ZFP14: variants seen among roughly 807,000 people sequenced by gnomAD.
ZFP14 encodes zinc finger protein 14 homolog.
A neutral mutation model predicts 54.5 loss-of-function variants in ZFP14; 22 were observed. The ratio of observed to expected loss-of-function variants is 0.40; its 90% CI spans 0.29 to 0.58. ZFP14 has a LOEUF of 0.58. Ranked by LOEUF, ZFP14 falls within the 20% of genes least tolerant of loss-of-function variation. The probability of loss-of-function intolerance (pLI) is 0.39; values close to 1 mark genes in which losing one functional copy is unlikely to be tolerated. For synonymous variants in ZFP14, 159 were observed against 204.0 expected, an observed-to-expected ratio of 0.78 and a Z score of 1.88; for missense variants, 470 against 637.8, an observed-to-expected ratio of 0.74 and a Z score of 2.83.
intron 4 of ZFP14, among the ~76,000 whole-genome samples, chr19:36,347,900 A>C (rs2031448040): frequency 6.6e-6 from 1 of 151,964 alleles, no homozygotes; most frequent in Non-Finnish European, 1.5e-5. Context: ...CATACTAAAA[A>C]CACAAAAATT....
rs753850041 is a variant in ZFP14 at position 36,353,488 on chromosome 19, C to G, written c.235+6947G>C. Among the ~76,000 whole-genome samples the G allele has an allele frequency of 3.9e-4, 55 of 141,114 alleles. 7 individuals carry two copies. Among genetic ancestry groups the G allele is most frequent in the Non-Finnish European group, 7.7e-4 (49 of 63,802 alleles). 92.6% of individuals were successfully genotyped at this position (141,114 alleles called of 152,430 possible). A position where few individuals can be genotyped will look rare whatever the true frequency, so the allele number is the denominator to read the frequency against. ...GGCCGAGGCAGGCAGATCACAAGGT[C>G]AGGCGTTCGAGACCAGCCTGACCAA... On this transcript the variant is annotated intron_variant, in intron 4 of 4. Transcript: ENST00000270001.
chr19:36,341,532 T>C lies in ZFP14; in HGVS notation c.294A>G (p.Ile98Met), dbSNP rs2031315593. The change falls in exon 5 of 5, where the codon ATA (isoleucine) becomes ATG (methionine). Residue 98 changes from isoleucine to methionine, a missense_variant. Coordinates refer to ENST00000270001, the MANE Select transcript of ZFP14 (RefSeq NM_020917.3). The surrounding 1 kb of genome is among the most constrained non-coding windows in gnomAD (Gnocchi z 4.2). The part of the protein sequence containing the change: ...TLSPEKDIYE[I>M]YSFQWDIMER... ...CCATTATATCCCACTGAAATGAATA[T>C]ATTTCATAAATGTCCTTTTCTGGAG... is the stretch of plus-strand genomic sequence containing the variant. The C allele has an allele frequency of 1.9e-6, 3 of 1,604,348 alleles. No homozygotes were observed. The highest frequency in any genetic ancestry group is 2.5e-6 in the Non-Finnish European group (3 of 1,177,334).
chr19:36,364,849 G>C (rs2031766502), intron 2 of ZFP14, among the ~76,000 whole-genome samples: 1 of 151,838 alleles, frequency 6.6e-6, no homozygotes, highest in Admixed American at 6.6e-5. Flanking sequence ...TCAAAATAGG[G>C]ACCTCCCACT....
At chr19:36,373,531 G>T (rs923005733) in intron 1 of ZFP14, among the ~76,000 whole-genome samples, 1 of 152,022 alleles carries the variant, frequency 6.6e-6, no homozygotes, top group African/African-American at 2.4e-5. Context: ...GCTAAGACCT[G>T]TAAAGTGTTC....
At position 36,360,448 on chromosome 19, in the gene ZFP14, T is replaced by C. The variant is rs142592865; in HGVS notation, c.222A>G (p.Arg74=). 1.2e-6 allele frequency: 2 copies of C among 1,613,594 alleles called. No homozygotes were observed. The highest frequency in any genetic ancestry group is 1.7e-6 in the Non-Finnish European group (2 of 1,179,704). The change falls in exon 4 of 5, where the codon AGA becomes AGG. Residue 74 remains arginine, a synonymous_variant. Coordinates refer to ENST00000270001, the MANE Select transcript of ZFP14 (RefSeq NM_020917.3). The part of the protein sequence containing the change: ...EPGMVVREGT[R]RYCPDLESRY... ...GCCCTCACTCACCAGGGCAGTATCTTCTTGTCCCTTCCCTCACAACCATCC... is the reference window on the plus strand; with the variant it reads ...GCCCTCACTCACCAGGGCAGTATCTCCTTGTCCCTTCCCTCACAACCATCC...
At chr19:36,354,716 G>A (rs1318425084) in intron 4 of ZFP14, among the ~76,000 whole-genome samples, 1 of 142,682 alleles carries the variant, frequency 7.0e-6, no homozygotes, top group South Asian at 2.2e-4. Context: ...TTCTCACCCA[G>A]GCTGGAATGC....
At chr19:36,373,839 GA>G (rs1333330665) in intron 1 of ZFP14, among the ~76,000 whole-genome samples, 1 of 137,628 alleles carries the variant, frequency 7.3e-6, no homozygotes. Flanking sequence ...TTGAGCCTGG[GA>G]AGCAGAGGTT....
Position 36,336,296 on chromosome 19 carries a change from G to C in ZFP14, c.*3928C>G, listed in dbSNP as rs1057199887. The stretch of plus-strand genomic sequence containing the variant: ...GCTCTGTTACCCAGGCTGGAGTGCA[G>C]TGGCGCGATCTCAACTCACCACAAA... On this transcript the variant is annotated 3_prime_UTR_variant, in exon 5 of 5. Transcript: ENST00000270001. 1.5e-5 allele frequency: 2 copies of C among 133,234 alleles called. No homozygotes were observed. The highest frequency in any genetic ancestry group is 5.8e-5 in the African/African-American group (2 of 34,294). The allele number at this position is 133,234 out of a possible 1,614,324, so 8.3% of individuals were successfully genotyped here. A position where few individuals can be genotyped will look rare whatever the true frequency, so the allele number is the denominator to read the frequency against.
intron 2 of ZFP14, among the ~76,000 whole-genome samples, 159 bp from the exon 3 acceptor site, chr19:36,362,397 T>C (rs1358905950): frequency 6.6e-6 from 1 of 152,094 alleles, no homozygotes; most frequent in Non-Finnish European, 1.5e-5. Context: ...AGTAAGAAAA[T>C]TAGTATTTCT....
Position 36,352,109 on chromosome 19 carries a change from G to A in ZFP14, c.235+8326C>T, listed in dbSNP as rs563281831. 4.0e-4 allele frequency among the ~76,000 whole-genome samples: 56 copies of A among 140,520 alleles called. 5 individuals carry two copies. Among genetic ancestry groups the A allele is most frequent in the African/African-American group, 1.4e-3 (52 of 38,268 alleles). The allele number at this position is 140,520 out of a possible 152,430, so 92.2% of individuals were successfully genotyped here. On this transcript the variant is annotated intron_variant, in intron 4 of 4. Transcript: ENST00000270001. ...TGAGGCAGGAGAACGGCGTGAACTCGGGAGGCAGAGCTTGCAGCGAGCCGA... is the reference window on the plus strand; with the variant it reads ...TGAGGCAGGAGAACGGCGTGAACTCAGGAGGCAGAGCTTGCAGCGAGCCGA...
At chr19:36,358,341 C>A (rs183582190) in intron 4 of ZFP14, among the ~76,000 whole-genome samples, 1 of 152,220 alleles carries the variant, frequency 6.6e-6, no homozygotes, top group Admixed American at 6.5e-5. Context: ...GAACTCCTGA[C>A]CTCAACTGAT....
In ZFP14 at chr19:36,339,300, T is replaced by C. The variant is rs2031264183; in HGVS notation, c.*924A>G. The C allele has an allele frequency of 1.3e-5, 2 of 152,298 alleles. No individual in the cohort carries two copies. The highest frequency in any genetic ancestry group is 4.1e-4 in the South Asian group (2 of 4,824). The allele number at this position is 152,298 out of a possible 1,614,324, so 9.4% of individuals were successfully genotyped here. ...GCTATATGACTGTGATTCCTCCAAG[T>C]ATTAACTACTTACTCCTTGCAACAA... On this transcript the variant is annotated 3_prime_UTR_variant, in exon 5 of 5. Transcript: ENST00000270001.
chr19:36,349,255 A>AAAAAAAAAAAAAAAAC (rs2031479973), intron 4 of ZFP14, among the ~76,000 whole-genome samples: 1 of 65,338 alleles, frequency 1.5e-5, no homozygotes. Flanking sequence ...AAAAAAAAAA[A>AAAAAAAAAAAAAAAAC]ACAAAAAAAA....
chr19:36,374,373 C>T (rs1284516953), intron 1 of ZFP14, among the ~76,000 whole-genome samples: 2 of 151,790 alleles, frequency 1.3e-5, no homozygotes, highest in South Asian at 4.1e-4. Flanking sequence ...GCCTGTAATC[C>T]CAGCTACTCG....
intron 4 of ZFP14, among the ~76,000 whole-genome samples, chr19:36,357,191 T>C (rs2031628420): frequency 6.6e-6 from 1 of 152,124 alleles, no homozygotes; most frequent in Non-Finnish European, 1.5e-5. Flanking sequence ...TACAGGCGCA[T>C]GCCAAGACGC....
intron 4 of ZFP14, among the ~76,000 whole-genome samples, chr19:36,347,207 T>C (rs2031432238): frequency 6.6e-6 from 1 of 152,182 alleles, no homozygotes; most frequent in Non-Finnish European, 1.5e-5. Context: ...GGTGAAGTTG[T>C]AGAAATAATA....
Position 36,341,212 on chromosome 19 carries a change from C to A in ZFP14, c.614G>T (p.Cys205Phe). The change falls in exon 5 of 5, where the codon TGT becomes TTT. Residue 205 changes from cysteine (C) to phenylalanine (F), a missense_variant. By Grantham distance (205) the Cys-to-Phe change is radical. Transcript: ENST00000270001. The surrounding 1 kb of genome is among the most constrained non-coding windows in gnomAD (Gnocchi z 4.2). ...TGEKPYKCKECGQAFRQRAHL... is the reference protein window; with the variant it reads ...TGEKPYKCKEFGQAFRQRAHL... ...TGCACGCTGTCTAAAGGCCTGCCCA[C>A]ATTCCTTACACTTATAAGGTTTCTC... 6.2e-7 allele frequency: 1 copy of A among 1,614,182 alleles called. No homozygotes were observed. The highest frequency in any genetic ancestry group is 8.5e-7 in the Non-Finnish European group (1 of 1,180,038).
At chr19:36,374,307 A>G (rs2031925869) in intron 1 of ZFP14, among the ~76,000 whole-genome samples, 1 of 152,084 alleles carries the variant, frequency 6.6e-6, no homozygotes, top group African/African-American at 2.4e-5. Context: ...CCTGGCCAAC[A>G]TGGTGAAACC....
chr19:36,341,117 A>T lies in ZFP14; in HGVS notation c.709T>A (p.Phe237Ile). ...PYECKECGKA[F>I]TVLQELTQHQ... Reference sequence around the variant, plus strand: ...TGAGTAAGTTCTTGGAGCACTGTAAAGGCCTTCCCACACTCCTTACATTCA... The same window carrying T: ...TGAGTAAGTTCTTGGAGCACTGTAATGGCCTTCCCACACTCCTTACATTCA... Residue 237 changes from phenylalanine (F) to isoleucine (I), a missense_variant, in exon 5 of 5, where the codon TTT (phenylalanine) becomes ATT (isoleucine). Physicochemically the swap from Phe to Ile is conservative, Grantham distance 21. Coordinates refer to ENST00000270001, the MANE Select transcript of ZFP14 (RefSeq NM_020917.3). This position sits in a 1 kb window ranked among gnomAD's most constrained non-coding sequence, Gnocchi z 4.2. 6.2e-7 allele frequency: 1 copy of T among 1,614,056 alleles called. No individual in the cohort carries two copies. The highest frequency in any genetic ancestry group is 8.5e-7 in the Non-Finnish European group (1 of 1,179,972).
Sources: gnomAD v4.1 joint callset for allele counts (sites outside exome capture counted in the v4.1 genomes callset) on GRCh38, gnomAD v4.1.1 for gene constraint, Gnocchi (gnomAD v3.1) non-coding constraint, MANE v1.5 for transcripts, NCBI Gene and HGNC (gene_info 2026-07-23, HGNC 2026-07-21) for gene names.